The following WNT9B variants were observed in gnomAD, a reference collection of about 807,000 sequenced individuals.
WNT9B encodes Wnt family member 9B.
Under a neutral mutation model 30.2 loss-of-function variants are expected in WNT9B, and 12 were observed. That is an observed-to-expected ratio of 0.40 (90% CI 0.26 to 0.64). The LOEUF (loss-of-function observed/expected upper bound fraction) is 0.64, where lower values mean the gene tolerates loss of function less well. Among genes scored for constraint, WNT9B ranks in the 30% least tolerant of loss-of-function variants. The pLI, the probability that WNT9B is intolerant of heterozygous loss-of-function variation, is 0.42. For missense variants in WNT9B, 442 were observed against 485.2 expected (o/e 0.91, Z 0.84); for synonymous variants, 218 against 216.9 (o/e 1.01, Z -0.05).
upstream of WNT9B, among the ~76,000 whole-genome samples, chr17:46,850,659 G>T (rs536165255): frequency 2.7e-4 from 41 of 152,278 alleles, no homozygotes; most frequent in Non-Finnish European, 4.4e-4. Flanking sequence ...GTCATTGGTT[G>T]TATGTCTCCT....
chr17:46,845,322 G>C (rs541699369), intron 1 of WNT9B, among the ~76,000 whole-genome samples: 1 of 152,104 alleles, frequency 6.6e-6, no homozygotes, highest in South Asian at 2.1e-4. Context: ...CCATCTCCTA[G>C]TCTCTAGGTC....
intron 1 of WNT9B, among the ~76,000 whole-genome samples, chr17:46,865,526 G>A (rs114961064): frequency 0.01 from 1,549 of 152,274 alleles, 28 homozygotes; most frequent in African/African-American, 0.035. Flanking sequence ...AGGAAGGCTG[G>A]ATCCAGGAGT....
upstream of WNT9B, among the ~76,000 whole-genome samples, chr17:46,847,895 G>A (rs987167338): frequency 6.6e-6 from 1 of 152,076 alleles, no homozygotes; most frequent in African/African-American, 2.4e-5. Context: ...GGAGAGGTCT[G>A]CAGACATCCT....
At chr17:46,855,535 C>T (rs556014002) in intron 1 of WNT9B, among the ~76,000 whole-genome samples, 40 of 152,348 alleles carry the variant, frequency 2.6e-4, no homozygotes, top group African/African-American at 9.6e-4. Flanking sequence ...GCTAACAGGG[C>T]TGGTCCTGGC....
At chr17:46,851,361 A>C (rs1377184373), upstream of WNT9B, among the ~76,000 whole-genome samples, 17 of 145,376 alleles carry the variant, frequency 1.2e-4, no homozygotes, top group East Asian at 9.1e-4. The surrounding 1 kb of genome is among the most constrained non-coding windows in gnomAD (Gnocchi z 4.3). Flanking sequence ...GCGCGGCGCC[A>C]GGTGAGCGCT....
rs1022561931 is a variant in WNT9B, at chr17:46,878,191, G to A, written c.*1473G>A. Reference sequence around the variant, plus strand: ...CACCCAGGAGGAAGTGACTTCTTTCGGGAAGCCCTTGGCCACTTTGCTGGC... The same window carrying A: ...CACCCAGGAGGAAGTGACTTCTTTCAGGAAGCCCTTGGCCACTTTGCTGGC... On this transcript the variant is annotated 3_prime_UTR_variant, in exon 4 of 4. Transcript: ENST00000290015. Among the ~76,000 whole-genome samples, 11 of 152,230 alleles carry A rather than the reference G, an allele frequency of 7.2e-5. No homozygotes were observed. The highest frequency in any genetic ancestry group is 1.3e-4 in the Non-Finnish European group (9 of 68,048).
Position 46,855,382 on chromosome 17 carries a change from C to G in WNT9B, c.77+3667C>G, listed in dbSNP as rs114700435. 3.5e-3 allele frequency among the ~76,000 whole-genome samples: 530 copies of G among 152,302 alleles called. 1 individual carries two copies. The highest frequency in any genetic ancestry group is 0.012 in the African/African-American group (519 of 41,554). On this transcript the variant is annotated intron_variant, in intron 1 of 3. Transcript: ENST00000290015. Reference sequence around the variant, plus strand: ...TAGACTGTCAGTTTGGCTCACAGAACAGCATGATGGCAGTGGGACAGGAGG... The same window carrying G: ...TAGACTGTCAGTTTGGCTCACAGAAGAGCATGATGGCAGTGGGACAGGAGG...
chr17:46,870,420 G>A (rs1311483932), intron 1 of WNT9B, among the ~76,000 whole-genome samples: 2 of 152,208 alleles, frequency 1.3e-5, no homozygotes, highest in Non-Finnish European at 2.9e-5. Context: ...GAGGGGTTTG[G>A]GTGTAGACCT....
At position 46,877,711 on chromosome 17, in the gene WNT9B, G is replaced by C. The variant is rs530643233; in HGVS notation, c.*993G>C. On this transcript the variant is annotated 3_prime_UTR_variant, in exon 4 of 4. Coordinates refer to ENST00000290015, the MANE Select transcript of WNT9B (RefSeq NM_003396.3). Reference sequence around the variant, plus strand: ...TGTGGCTGGGGCCTGCCTGGTCTGTGACACCCCCATACCAGCTGAGTTCAC... The same window carrying C: ...TGTGGCTGGGGCCTGCCTGGTCTGTCACACCCCCATACCAGCTGAGTTCAC... Among the ~76,000 whole-genome samples, 19 of 152,306 alleles carry C rather than the reference G, an allele frequency of 1.2e-4. No homozygotes were observed. Among genetic ancestry groups the C allele is most frequent in the African/African-American group, 4.6e-4 (19 of 41,574 alleles).
intron 1 of WNT9B, among the ~76,000 whole-genome samples, chr17:46,866,721 C>G (rs2085145720): frequency 6.6e-6 from 1 of 152,086 alleles, no homozygotes; most frequent in Non-Finnish European, 1.5e-5. Context: ...CCTGGACCCT[C>G]CAGCTAAGAG....
intron 1 of WNT9B, among the ~76,000 whole-genome samples, chr17:46,853,905 G>C (rs1477415661): frequency 1.3e-5 from 2 of 152,188 alleles, no homozygotes; most frequent in East Asian, 1.9e-4. Context: ...GGAAGGGAAA[G>C]GTGTTCTCAG....
chr17:46,839,070 C>G (rs1213264754), intron 1 of WNT9B, among the ~76,000 whole-genome samples: 101 of 152,032 alleles, frequency 6.6e-4, no homozygotes, highest in Non-Finnish European at 1.0e-3. Context: ...TAGAGACAGA[C>G]TTTCACCATG....
At chr17:46,885,361 G>A, downstream of WNT9B, 1 of 219,466 alleles carries the variant, frequency 4.6e-6, no homozygotes, top group Non-Finnish European at 9.1e-6. Context: ...GGAGTGCACT[G>A]GCATGATCTC....
Position 46,862,163 on chromosome 17 carries a change from C to CA in WNT9B, c.78-10338dup, listed in dbSNP as rs111407961. 4.9e-3 allele frequency among the ~76,000 whole-genome samples: 395 copies of CA among 79,916 alleles called. 4 individuals are homozygous for CA. Among genetic ancestry groups the CA allele is most frequent in the South Asian group, 0.022 (43 of 1,966 alleles). The allele number at this position is 79,916 out of a possible 152,430, so 52.4% of individuals were successfully genotyped here. On this transcript the variant is annotated intron_variant, in intron 1 of 3. Transcript: ENST00000290015. The stretch of plus-strand genomic sequence containing the variant: ...GGGCAACAAGAGTGAAACTCCGTCT[C>CA]AAAAAAAAAAAAAAAAGAAAAAGAA...
chr17:46,867,337 G>A (rs1182916831), intron 1 of WNT9B, among the ~76,000 whole-genome samples: 1 of 152,258 alleles, frequency 6.6e-6, no homozygotes, highest in East Asian at 1.9e-4. Context: ...AGCACAACTA[G>A]GAAGAGGTGG....
At chr17:46,853,873 G>C (rs1484607230) in intron 1 of WNT9B, among the ~76,000 whole-genome samples, 1 of 152,154 alleles carries the variant, frequency 6.6e-6, no homozygotes, top group Non-Finnish European at 1.5e-5. Context: ...GGTTCCAGGA[G>C]GACCACCCTA....
At chr17:46,857,777 T>C (rs1343398780) in intron 1 of WNT9B, among the ~76,000 whole-genome samples, 4 of 152,224 alleles carry the variant, frequency 2.6e-5, no homozygotes, top group African/African-American at 9.6e-5. Flanking sequence ...AAGTATGTAG[T>C]AGTATCTCAT....
chr17:46,870,568 G>A (rs1044034927), intron 1 of WNT9B, among the ~76,000 whole-genome samples: 2 of 152,192 alleles, frequency 1.3e-5, no homozygotes, highest in Non-Finnish European at 2.9e-5. Context: ...CGGAGGTTTC[G>A]GAGATATGCT....
chr17:46,872,506 G>C lies in WNT9B; in HGVS notation c.78-11G>C, dbSNP rs367573971. 1 of 1,465,308 alleles carries C rather than the reference G, an allele frequency of 6.8e-7. No individual in the cohort carries two copies. The highest frequency in any genetic ancestry group is 2.4e-5 in the Admixed American group (1 of 41,946). 90.8% of individuals were successfully genotyped at this position (1,465,308 alleles called of 1,614,324 possible). ...AAGGCTCACCTGTCTCCCTCCTCTC[G>C]CTCTCTCTAGCCTGACCGGGCGGGA... On this transcript the variant is annotated splice_polypyrimidine_tract_variant and intron_variant, in intron 1 of 3. Transcript: ENST00000290015.
Sources: gnomAD v4.1 joint callset for allele counts (sites outside exome capture counted in the v4.1 genomes callset) on GRCh38, gnomAD v4.1.1 for gene constraint, Gnocchi (gnomAD v3.1) non-coding constraint, MANE v1.5 for transcripts, NCBI Gene and HGNC (gene_info 2026-07-23, HGNC 2026-07-21) for gene names.